Variants in PLBD2 observed in about 807,000 individuals in gnomAD.
PLBD2 encodes phospholipase B domain containing 2.
In PLBD2, 51 loss-of-function variants were observed where a neutral mutation model predicts 68.3. That is an observed-to-expected ratio of 0.75 (90% CI 0.60 to 0.94). The LOEUF (loss-of-function observed/expected upper bound fraction) is 0.94. Ranked by LOEUF, PLBD2 falls within the 40% of genes least tolerant of loss-of-function variation. PLBD2 has a pLI of 0.00. For synonymous variants in PLBD2, 314 were observed against 339.3 expected (o/e 0.93, Z 0.82); for missense variants, 729 against 792.2 (o/e 0.92, Z 0.96).
chr12:113,383,957 C>T, intron 6 of PLBD2, 148 bp from the exon 7 acceptor site: 1 of 641,938 alleles, frequency 1.6e-6, no homozygotes, highest in Non-Finnish European at 2.3e-6. Context: ...TGAGGTTACA[C>T]CACTGCACTC....
rs561915080 is a variant in PLBD2, at chr12:113,360,772, C to T, written c.290+1882C>T. ...CTGGGTTCAAGCGATTCTCGTGTCT[C>T]AGCCTCCCAAGTAGCTGGAATTACA... On this transcript the variant is annotated intron_variant, in intron 1 of 11. Transcript: ENST00000280800. Among the ~76,000 whole-genome samples, 125 of 152,366 alleles carry T rather than the reference C, an allele frequency of 8.2e-4. 2 individuals carry two copies. Among genetic ancestry groups the T allele is most frequent in the African/African-American group, 2.7e-3 (111 of 41,586 alleles).
At chr12:113,367,428 G>A (rs1957350492) in intron 1 of PLBD2, among the ~76,000 whole-genome samples, 1 of 152,144 alleles carries the variant, frequency 6.6e-6, no homozygotes, top group Admixed American at 6.6e-5. Context: ...TCCAGGACTG[G>A]CAGTGTTGGC....
Position 113,372,605 on chromosome 12 carries a change from A to T in PLBD2, c.385-44A>T, listed in dbSNP as rs1457473307. 1.3e-6 allele frequency: 2 copies of T among 1,591,060 alleles called. No individual in the cohort carries two copies. On this transcript the variant is annotated intron_variant, in intron 2 of 11. Coordinates refer to ENST00000280800, the MANE Select transcript of PLBD2 (RefSeq NM_173542.4). The surrounding 1 kb of genome is among the most constrained non-coding windows in gnomAD (Gnocchi z 4.2). ...GTGGGGGGCTCTCAGGGAAGAGAGC[A>T]CCCCAGCTGCCCGCCCTTGCCTCGC...
At position 113,385,370 on chromosome 12, in the gene PLBD2, A is replaced by C; in HGVS notation, c.1286+87A>C. On this transcript the variant is annotated intron_variant, in intron 9 of 11. Transcript: ENST00000280800. ...AGCTCCTTCCTAGGCAATGTTTTTAAACCCACAGAACAAAGAATCCCAGCC... is the reference window on the plus strand; with the variant it reads ...AGCTCCTTCCTAGGCAATGTTTTTACACCCACAGAACAAAGAATCCCAGCC... The C allele has an allele frequency of 3.9e-6, 5 of 1,271,302 alleles. No homozygotes were observed. In the South Asian group the frequency reaches 6.4e-5, roughly 16 times the overall value. 78.8% of individuals were successfully genotyped at this position (1,271,302 alleles called of 1,614,324 possible).
chr12:113,371,878 C>A (rs1288937262), intron 2 of PLBD2, among the ~76,000 whole-genome samples: 2 of 152,220 alleles, frequency 1.3e-5, no homozygotes, highest in East Asian at 3.8e-4. Context: ...TGCTGCCTCC[C>A]CCTCTAGCCT....
Position 113,384,866 on chromosome 12 carries a change from G to A in PLBD2, c.1134G>A (p.Trp378Ter), listed in dbSNP as rs772938192. ...RFNSGTYNNQWMIVDYKAFIP... is the reference protein window; with the variant it reads ...RFNSGTYNNQ ...TGCCCGGCAGGTATAACAACCAGTG[G>A]ATGATCGTGGACTACAAGGCGTTCA... Residue 378 changes from tryptophan to a stop codon, truncating the protein, a stop_gained, in exon 8 of 12, where the codon TGG becomes TGA. Transcript: ENST00000280800. LOFTEE classifies it high-confidence loss of function. The surrounding 1 kb of genome is among the most constrained non-coding windows in gnomAD (Gnocchi z 4.2). 6.3e-7 allele frequency: 1 copy of A among 1,587,616 alleles called. No individual in the cohort carries two copies. The highest frequency in any genetic ancestry group is 2.3e-5 in the East Asian group (1 of 42,968).
At chr12:113,360,051 G>A (rs933346327) in intron 1 of PLBD2, among the ~76,000 whole-genome samples, 1 of 152,178 alleles carries the variant, frequency 6.6e-6, no homozygotes. Flanking sequence ...CCATTTTACT[G>A]GCATCCATTG....
rs1957366282 is a variant in PLBD2, at chr12:113,369,134, G to T, written c.309G>T (p.Leu103=). The stretch of plus-strand genomic sequence containing the variant: ...CCTCCAGGTGGGCCTTCCTGGAGCT[G>T]GGCACAAGTGGCCAATACAATGACA... The part of the protein sequence containing the change: ...IRETGWAFLE[L]GTSGQYNDSL... The change falls in exon 2 of 12, where the codon CTG becomes CTT. Residue 103 remains leucine (L), a synonymous_variant. Coordinates refer to ENST00000280800, the MANE Select transcript of PLBD2 (RefSeq NM_173542.4). 1 of 1,601,412 alleles carries T rather than the reference G, an allele frequency of 6.2e-7. No individual in the cohort carries two copies. The highest frequency in any genetic ancestry group is 1.3e-5 in the African/African-American group (1 of 74,766).
At chr12:113,378,302 A>AAT (rs1276902454) in intron 5 of PLBD2, among the ~76,000 whole-genome samples, 1 of 152,118 alleles carries the variant, frequency 6.6e-6, no homozygotes, top group East Asian at 1.9e-4. Flanking sequence ...AAAAAAAAAA[A>AAT]AAAATTTCCA....
chr12:113,381,248 C>T (rs1263310985), intron 6 of PLBD2, among the ~76,000 whole-genome samples: 2 of 151,946 alleles, frequency 1.3e-5, no homozygotes, highest in Admixed American at 6.6e-5. Context: ...TGCCCCCGCC[C>T]CCCCCACATC....
rs1486857510 is a variant in PLBD2, at chr12:113,389,801, G to A, written c.*1175G>A. ...TGCTCACTGCAACCTCTGCTTCCTGGGTTCAAGCGATTCTCCTGCCTTAGC... is the reference window on the plus strand; with the variant it reads ...TGCTCACTGCAACCTCTGCTTCCTGAGTTCAAGCGATTCTCCTGCCTTAGC... On this transcript the variant is annotated 3_prime_UTR_variant, in exon 12 of 12. Coordinates refer to ENST00000280800, the MANE Select transcript of PLBD2 (RefSeq NM_173542.4). The A allele has an allele frequency of 6.6e-6, 1 of 152,062 alleles. No homozygotes were observed. Among genetic ancestry groups the A allele is most frequent in the Non-Finnish European group, 1.5e-5 (1 of 68,060 alleles). The allele number at this position is 152,062 out of a possible 1,614,324, so 9.4% of individuals were successfully genotyped here. A position where few individuals can be genotyped will look rare whatever the true frequency, so the allele number is the denominator to read the frequency against.
chr12:113,375,516 C>T (rs755314454), intron 5 of PLBD2, among the ~76,000 whole-genome samples: 1 of 152,104 alleles, frequency 6.6e-6, no homozygotes, highest in Non-Finnish European at 1.5e-5. Context: ...AACCAGTTAC[C>T]CCAAAATTTA....
At chr12:113,362,555 C>A (rs1056325921) in intron 1 of PLBD2, among the ~76,000 whole-genome samples, 3 of 151,546 alleles carry the variant, frequency 2.0e-5, no homozygotes, top group Admixed American at 6.6e-5. Flanking sequence ...CATTAGCTGC[C>A]CCTGGCATGA....
At chr12:113,360,173 CAG>C (rs1467012438) in intron 1 of PLBD2, among the ~76,000 whole-genome samples, 3 of 152,144 alleles carry the variant, frequency 2.0e-5, no homozygotes, top group Non-Finnish European at 2.9e-5. Flanking sequence ...TGCACAGACA[CAG>C]GGGCACTGGT....
Position 113,369,139 on chromosome 12 carries a change from C to G in PLBD2, c.314C>G (p.Thr105Arg), listed in dbSNP as rs1433009949. ...AGGTGGGCCTTCCTGGAGCTGGGCACAAGTGGCCAATACAATGACAGCTTG... is the reference window on the plus strand; with the variant it reads ...AGGTGGGCCTTCCTGGAGCTGGGCAGAAGTGGCCAATACAATGACAGCTTG... Reference protein sequence around the residue: ...ETGWAFLELGTSGQYNDSLQA... With the variant: ...ETGWAFLELGRSGQYNDSLQA... Residue 105 changes from threonine (T) to arginine (R), a missense_variant, in exon 2 of 12, where the codon ACA becomes AGA. Physicochemically the swap from Thr to Arg is moderately conservative, Grantham distance 71 (BLOSUM62 -1). Coordinates refer to ENST00000280800, the MANE Select transcript of PLBD2 (RefSeq NM_173542.4). 1.9e-6 allele frequency: 3 copies of G among 1,603,584 alleles called. No individual in the cohort carries two copies. The highest frequency in any genetic ancestry group is 1.7e-6 in the Non-Finnish European group (2 of 1,175,228).
rs1354562069 is a variant in PLBD2, at chr12:113,390,769, A to AC, written c.*2145dup. 1 of 148,320 alleles carries AC rather than the reference A, an allele frequency of 6.7e-6. No individual in the cohort carries two copies. Among genetic ancestry groups the AC allele is most frequent in the African/African-American group, 2.5e-5 (1 of 39,870 alleles). 9.2% of individuals were successfully genotyped at this position (148,320 alleles called of 1,614,324 possible). ...TTCCAACCATTTATCCACCCATCCAACCATTTCCATCTGTTCATTTCCATC... is the reference window on the plus strand; with the variant it reads ...TTCCAACCATTTATCCACCCATCCAACCCATTTCCATCTGTTCATTTCCATC... On this transcript the variant is annotated 3_prime_UTR_variant, in exon 12 of 12. Transcript: ENST00000280800.
At position 113,380,859 on chromosome 12, in the gene PLBD2, T is replaced by C. The variant is rs1175790902; in HGVS notation, c.957+17T>C. Reference sequence around the variant, plus strand: ...AGTGGGCTGGTGAGTCCCTTTCTCATGTCTCCTCTGTTCCTGGGGTGTTTG... The same window carrying C: ...AGTGGGCTGGTGAGTCCCTTTCTCACGTCTCCTCTGTTCCTGGGGTGTTTG... On this transcript the variant is annotated intron_variant, in intron 6 of 11. Coordinates refer to ENST00000280800, the MANE Select transcript of PLBD2 (RefSeq NM_173542.4). 2 of 1,545,936 alleles carry C rather than the reference T, an allele frequency of 1.3e-6. No individual in the cohort carries two copies. The highest frequency in any genetic ancestry group is 1.2e-5 in the South Asian group (1 of 84,028).
intron 3 of PLBD2, among the ~76,000 whole-genome samples, chr12:113,374,189 G>C (rs115221722): frequency 6.6e-6 from 1 of 152,178 alleles, no homozygotes; most frequent in Non-Finnish European, 1.5e-5. Flanking sequence ...GCCAGGCTGG[G>C]AGGCGTCCTA....
intron 6 of PLBD2, among the ~76,000 whole-genome samples, chr12:113,382,672 G>A (rs1390632351): frequency 6.6e-6 from 1 of 151,754 alleles, no homozygotes; most frequent in Non-Finnish European, 1.5e-5. Flanking sequence ...TGACCTCCTG[G>A]GCTCAAGCAA....
Sources: gnomAD v4.1 joint callset for allele counts (sites outside exome capture counted in the v4.1 genomes callset) on GRCh38, gnomAD v4.1.1 for gene constraint, Gnocchi (gnomAD v3.1) non-coding constraint, MANE v1.5 for transcripts, NCBI Gene and HGNC (gene_info 2026-07-23, HGNC 2026-07-21) for gene names.